Variants in SCEL observed in about 807,000 individuals in gnomAD.
SCEL encodes the protein sciellin.
A neutral mutation model predicts 117.6 loss-of-function variants in SCEL; 113 were observed. That is an observed-to-expected ratio of 0.96 (90% CI 0.83 to 1.12). The LOEUF (loss-of-function observed/expected upper bound fraction) is 1.12, where lower values mean the gene tolerates loss of function less well. Ranked by LOEUF, SCEL falls within the 50% of genes most tolerant of loss-of-function variation. The pLI is 0.00. For synonymous variants in SCEL, 270 were observed against 256.2 expected (o/e 1.05, Z -0.51); for missense variants, 785 against 810.8 (o/e 0.97, Z 0.39).
intron 32 of SCEL, among the ~76,000 whole-genome samples, chr13:77,643,239 T>C (rs1296938081): frequency 6.6e-6 from 1 of 152,184 alleles, no homozygotes; most frequent in Non-Finnish European, 1.5e-5. Flanking sequence ...TAGTTAATTC[T>C]ATGTAGTTTT....
At chr13:77,539,541 A>ATT (rs890441365) in intron 1 of SCEL, among the ~76,000 whole-genome samples, 1 of 145,940 alleles carries the variant, frequency 6.9e-6, no homozygotes, top group Admixed American at 6.9e-5. Flanking sequence ...TTAGAAAATA[A>ATT]TTTTTTTTTT....
intron 12 of SCEL, among the ~76,000 whole-genome samples, chr13:77,594,466 C>T (rs1285067683): frequency 3.3e-5 from 5 of 152,332 alleles, no homozygotes; most frequent in Non-Finnish European, 7.3e-5. Flanking sequence ...AAGCCCTGCC[C>T]ATTGTTCAAG....
At chr13:77,550,752 A>T (rs2084272910) in intron 1 of SCEL, among the ~76,000 whole-genome samples, 1 of 152,190 alleles carries the variant, frequency 6.6e-6, no homozygotes, top group Non-Finnish European at 1.5e-5. Context: ...CATGCTGTGT[A>T]TCCATTCATC....
At chr13:77,585,188 G>T (rs541970343) in intron 9 of SCEL, among the ~76,000 whole-genome samples, 1 of 152,184 alleles carries the variant, frequency 6.6e-6, no homozygotes, top group Non-Finnish European at 1.5e-5. Flanking sequence ...GTCCTTTTAG[G>T]AACTTTCAGT....
chr13:77,597,862 TATTA>T (rs766725444), intron 13 of SCEL, among the ~76,000 whole-genome samples: 17 of 152,070 alleles, frequency 1.1e-4, no homozygotes, highest in East Asian at 1.9e-4. Flanking sequence ...CTTCCTGAAA[TATTA>T]ATTAACTAAA....
intron 9 of SCEL, among the ~76,000 whole-genome samples, chr13:77,575,344 A>G (rs2085879783): frequency 6.6e-6 from 1 of 152,170 alleles, no homozygotes; most frequent in Non-Finnish European, 1.5e-5. Context: ...TATCTTTATA[A>G]TTAATATATC....
Position 77,637,116 on chromosome 13 carries a change from C to T in SCEL, c.1764-4C>T. ...TCTCACATGTCCATATATTTTGTTC[C>T]TAGTAAATCACCCAAGGATGGATAT... On this transcript the variant is annotated splice_polypyrimidine_tract_variant and splice_region_variant and intron_variant, in intron 29 of 32. Coordinates refer to ENST00000349847, the MANE Select transcript of SCEL (RefSeq NM_144777.3). The T allele has an allele frequency of 4.7e-6, 7 of 1,495,900 alleles. No individual in the cohort carries two copies. The highest frequency in any genetic ancestry group is 6.4e-6 in the Non-Finnish European group (7 of 1,097,988). The allele number at this position is 1,495,900 out of a possible 1,614,324, so 92.7% of individuals were successfully genotyped here.
chr13:77,589,261 A>G (rs1594040401), intron 10 of SCEL, 37 bp downstream of exon 10: 1 of 1,485,018 alleles, frequency 6.7e-7, no homozygotes, highest in Non-Finnish European at 9.4e-7. Flanking sequence ...TGACAAAATG[A>G]AGTTCAAGGG....
intron 1 of SCEL, among the ~76,000 whole-genome samples, chr13:77,536,933 T>G (rs1330081168): frequency 6.6e-6 from 1 of 152,222 alleles, no homozygotes; most frequent in Non-Finnish European, 1.5e-5. Context: ...ACCAGAAAAC[T>G]AAAGTGTAGC....
Position 77,640,336 on chromosome 13 carries a change from A to T in SCEL, c.1839-340A>T, listed in dbSNP as rs17068143. Among the ~76,000 whole-genome samples, 208 of 152,278 alleles carry T rather than the reference A, an allele frequency of 1.4e-3. 1 individual carries two copies. The highest frequency in any genetic ancestry group is 4.7e-3 in the African/African-American group (196 of 41,556). On this transcript the variant is annotated intron_variant, in intron 30 of 32. Coordinates refer to ENST00000349847, the MANE Select transcript of SCEL (RefSeq NM_144777.3). ...TGTAACATGATATATGTAAATTCAT[A>T]ATTAAAAGCCCTCTAGTACTTCTGA...
At chr13:77,563,320 C>T (rs2085090466) in intron 4 of SCEL, among the ~76,000 whole-genome samples, 1 of 152,004 alleles carries the variant, frequency 6.6e-6, no homozygotes, top group African/African-American at 2.4e-5. Context: ...TCTTTCCCCT[C>T]CTTCTGCCTG....
chr13:77,633,827 A>G (rs2090147574), intron 28 of SCEL, among the ~76,000 whole-genome samples: 1 of 152,226 alleles, frequency 6.6e-6, no homozygotes, highest in Non-Finnish European at 1.5e-5. Context: ...GCTTTACACA[A>G]AAGTATTGAG....
At chr13:77,582,546 G>T (rs2086322615) in intron 9 of SCEL, among the ~76,000 whole-genome samples, 1 of 152,082 alleles carries the variant, frequency 6.6e-6, no homozygotes, top group Non-Finnish European at 1.5e-5. Context: ...TAAATCATTT[G>T]CTCATTTTAT....
At chr13:77,640,462 C>G (rs533017389) in intron 30 of SCEL, among the ~76,000 whole-genome samples, 88 of 152,190 alleles carry the variant, frequency 5.8e-4, no homozygotes, top group African/African-American at 2.1e-3. Context: ...TTGGGACTTT[C>G]TCTCATGTTA....
At chr13:77,608,225 C>A in intron 20 of SCEL, 110 bp downstream of exon 20, 2 of 699,626 alleles carry the variant, frequency 2.9e-6, no homozygotes, top group Non-Finnish European at 4.8e-6. Flanking sequence ...AGGCTGAACC[C>A]CATTACTTAC....
Position 77,624,654 on chromosome 13 carries a change from A to G in SCEL, c.1629-3293A>G, listed in dbSNP as rs540510529. On this transcript the variant is annotated intron_variant, in intron 27 of 32. Coordinates refer to ENST00000349847, the MANE Select transcript of SCEL (RefSeq NM_144777.3). Reference sequence around the variant, plus strand: ...CAGGACTGAGAGCTGTGCAAAAAGGAAAGAAATATAATATATGCATTCAGG... The same window carrying G: ...CAGGACTGAGAGCTGTGCAAAAAGGGAAGAAATATAATATATGCATTCAGG... Among the ~76,000 whole-genome samples the G allele has an allele frequency of 2.7e-3, 404 of 152,310 alleles. 2 individuals are homozygous for G. Among genetic ancestry groups the G allele is most frequent in the African/African-American group, 9.2e-3 (382 of 41,556 alleles).
intron 16 of SCEL, 140 bp downstream of exon 16, chr13:77,602,264 GGA>G: frequency 1.6e-6 from 1 of 614,702 alleles, no homozygotes; most frequent in Non-Finnish European, 2.7e-6. Flanking sequence ...GTAGGCAAAA[GGA>G]ATATGTTGAG....
intron 1 of SCEL, among the ~76,000 whole-genome samples, chr13:77,538,483 C>G (rs1261569861): frequency 6.6e-6 from 1 of 151,622 alleles, no homozygotes; most frequent in Non-Finnish European, 1.5e-5. Context: ...AAATGGTAAA[C>G]TGTGATTTTT....
chr13:77,637,510 A>G (rs575286979), intron 30 of SCEL, among the ~76,000 whole-genome samples: 1 of 151,352 alleles, frequency 6.6e-6, no homozygotes, highest in East Asian at 1.9e-4. Flanking sequence ...CCAAAGTGCA[A>G]CTCAGTAACA....
Sources: gnomAD v4.1 joint callset for allele counts (sites outside exome capture counted in the v4.1 genomes callset) on GRCh38, gnomAD v4.1.1 for gene constraint, MANE v1.5 for transcripts, NCBI Gene and HGNC (gene_info 2026-07-23, HGNC 2026-07-21) for gene names.